BTBD9: variants seen among roughly 807,000 people sequenced by gnomAD.
The protein encoded by BTBD9 is BTB/POZ domain-containing protein 9.
In BTBD9, 49 loss-of-function variants were observed where a neutral mutation model predicts 64.3. The ratio of observed to expected loss-of-function variants is 0.76; its 90% CI spans 0.61 to 0.97. The LOEUF is 0.97. BTBD9 is among the 50% of genes least tolerant of loss of function. The probability of loss-of-function intolerance (pLI) is 0.00; values close to 1 mark genes in which losing one functional copy is unlikely to be tolerated. For missense variants in BTBD9, 598 were observed against 762.1 expected (o/e 0.78, Z 2.53); for synonymous variants, 260 against 274.7 (o/e 0.95, Z 0.53).
At chr6:38,224,168 G>A (rs1763308511) in intron 9 of BTBD9, among the ~76,000 whole-genome samples, 2 of 152,056 alleles carry the variant, frequency 1.3e-5, no homozygotes, top group African/African-American at 4.8e-5. Context: ...AGCTGAGATT[G>A]TGCCGCTGCA....
At position 38,257,063 on chromosome 6, in the gene BTBD9, CTTTTTTTTT is replaced by C. The variant is rs745545678; in HGVS notation, c.1455-556_1455-548del. Among the ~76,000 whole-genome samples, 11 of 111,362 alleles carry C rather than the reference CTTTTTTTTT, an allele frequency of 9.9e-5. No individual in the cohort carries two copies. In the East Asian group the frequency reaches 1.0e-3, roughly 10 times the overall value. 73.1% of individuals were successfully genotyped at this position (111,362 alleles called of 152,430 possible). A position where few individuals can be genotyped will look rare whatever the true frequency, so the allele number is the denominator to read the frequency against. On this transcript the variant is annotated intron_variant, in intron 8 of 10. Coordinates refer to ENST00000481247, the MANE Select transcript of BTBD9 (RefSeq NM_001099272.2). ...TAGCTGGGACTATAGTTGCACACTTCTTTTTTTTTTTTTTTTTTTTGGTAGAGGCACAGT... is the reference window on the plus strand; with the variant it reads ...TAGCTGGGACTATAGTTGCACACTTCTTTTTTTTTTTGGTAGAGGCACAGT...
At chr6:38,546,813 T>G (rs1774571794) in intron 6 of BTBD9, among the ~76,000 whole-genome samples, 1 of 152,098 alleles carries the variant, frequency 6.6e-6, no homozygotes, top group Non-Finnish European at 1.5e-5. Context: ...GGATTACAGG[T>G]GCCCACCACC....
In BTBD9 at chr6:38,557,015, C is replaced by CAAAAAAAAAAAAA. The variant is rs397888418; in HGVS notation, c.1154+20572_1154+20584dup. Among the ~76,000 whole-genome samples, 9 of 15,408 alleles carry CAAAAAAAAAAAAA rather than the reference C, an allele frequency of 5.8e-4. 2 individuals carry two copies. Among genetic ancestry groups the CAAAAAAAAAAAAA allele is most frequent in the African/African-American group, 9.8e-4 (4 of 4,096 alleles). The allele number at this position is 15,408 out of a possible 152,430, so 10.1% of individuals were successfully genotyped here. On this transcript the variant is annotated intron_variant, in intron 6 of 10. Transcript: ENST00000481247. Reference sequence around the variant, plus strand: ...GGAACAGAGCGAGACTCCATCTCACCAAAAAAAAAAAAAAAAAAAAAAAAA... The same window carrying CAAAAAAAAAAAAA: ...GGAACAGAGCGAGACTCCATCTCACCAAAAAAAAAAAAAAAAAAAAAAAAAAAAAAAAAAAAAA...
rs138603752 is a variant in BTBD9 at position 38,574,375 on chromosome 6, G to A, written c.1154+3225C>T. The stretch of plus-strand genomic sequence containing the variant: ...TCCTAGACATATACAAAGATAGGCC[G>A]GTTGTTAAGATAAAACTGTTTAAGG... On this transcript the variant is annotated intron_variant, in intron 6 of 10. Transcript: ENST00000481247. Among the ~76,000 whole-genome samples the A allele has an allele frequency of 9.2e-5, 14 of 152,190 alleles. No homozygotes were observed. In the Middle Eastern group the frequency reaches 0.01, roughly 111 times the overall value.
chr6:38,572,429 T>G (rs535662784), intron 6 of BTBD9, among the ~76,000 whole-genome samples: 2 of 152,218 alleles, frequency 1.3e-5, no homozygotes, highest in South Asian at 4.1e-4. Flanking sequence ...GCCTCTAATG[T>G]GACTACAACA....
intron 4 of BTBD9, among the ~76,000 whole-genome samples, chr6:38,581,924 G>C (rs977157859): frequency 6.6e-6 from 1 of 152,106 alleles, no homozygotes; most frequent in Non-Finnish European, 1.5e-5. Flanking sequence ...AACTATGTAT[G>C]TTTACAGACT....
Position 38,444,178 on chromosome 6 carries a change from T to G in BTBD9, c.1155-99085A>C, listed in dbSNP as rs1769169759. ...TAGAAGAGGTTAAATCCCCTGGCCA[T>G]GTGTCTTCATTGGACGTTTTGTGCT... is the stretch of plus-strand genomic sequence containing the variant. On this transcript the variant is annotated intron_variant, in intron 6 of 10. Coordinates refer to ENST00000481247, the MANE Select transcript of BTBD9 (RefSeq NM_001099272.2). Among the ~76,000 whole-genome samples, 4 of 152,202 alleles carry G rather than the reference T, an allele frequency of 2.6e-5. No homozygotes were observed. In the South Asian group the frequency reaches 8.3e-4, roughly 32 times the overall value.
At chr6:38,548,444 G>A (rs1245257986) in intron 6 of BTBD9, among the ~76,000 whole-genome samples, 2 of 151,882 alleles carry the variant, frequency 1.3e-5, no homozygotes, top group African/African-American at 4.8e-5. Flanking sequence ...TTCTTTTTTT[G>A]TAGAGCTTTC....
intron 10 of BTBD9, among the ~76,000 whole-genome samples, chr6:38,185,492 A>C (rs568031014): frequency 6.6e-6 from 1 of 152,302 alleles, no homozygotes; most frequent in African/African-American, 2.4e-5. Flanking sequence ...CCTCGATGTT[A>C]CAGCCAGACT....
chr6:38,264,025 T>C (rs1029201267), intron 8 of BTBD9, among the ~76,000 whole-genome samples: 5 of 152,208 alleles, frequency 3.3e-5, no homozygotes, highest in African/African-American at 9.7e-5. Context: ...ACCTCCCTTA[T>C]GATGGCAATC....
intron 7 of BTBD9, among the ~76,000 whole-genome samples, chr6:38,312,202 T>A (rs1241817240): frequency 6.6e-6 from 1 of 152,146 alleles, no homozygotes; most frequent in Non-Finnish European, 1.5e-5. Context: ...CATTTCTATG[T>A]CTTCTCTTGA....
intron 6 of BTBD9, among the ~76,000 whole-genome samples, chr6:38,349,898 G>C (rs370823594): frequency 5.9e-5 from 9 of 152,124 alleles, no homozygotes; most frequent in African/African-American, 1.7e-4. Flanking sequence ...GGCACTTCTC[G>C]CTTTAATCCT....
At chr6:38,214,857 T>C (rs773687280) in intron 9 of BTBD9, among the ~76,000 whole-genome samples, 1 of 152,190 alleles carries the variant, frequency 6.6e-6, no homozygotes, top group Non-Finnish European at 1.5e-5. Context: ...TTTCAGACTG[T>C]GTTTCAGTCT....
At chr6:38,377,903 T>G (rs1371982565) in intron 6 of BTBD9, among the ~76,000 whole-genome samples, 1 of 152,206 alleles carries the variant, frequency 6.6e-6, no homozygotes, top group African/African-American at 2.4e-5. Flanking sequence ...AAAAGAAATC[T>G]TTAGATTCCT....
chr6:38,478,243 A>G (rs1230219940), intron 6 of BTBD9, among the ~76,000 whole-genome samples: 1 of 152,192 alleles, frequency 6.6e-6, no homozygotes, highest in African/African-American at 2.4e-5. Flanking sequence ...AAGGAAGGTT[A>G]TATATTTCTG....
Position 38,328,966 on chromosome 6 carries a change from ATATGTG to A in BTBD9, c.1264+16012_1264+16017del, listed in dbSNP as rs1426377533. 2.9e-4 allele frequency among the ~76,000 whole-genome samples: 27 copies of A among 93,156 alleles called. 1 individual carries two copies. The highest frequency in any genetic ancestry group is 1.1e-3 in the Admixed American group (9 of 8,412). The allele number at this position is 93,156 out of a possible 152,430, so 61.1% of individuals were successfully genotyped here. ...CGTCTCAAAAAAAAAAAGAAAGAAA[ATATGTG>A]TGTGTGTGTGTGTGTGTGTGTGTGT... On this transcript the variant is annotated intron_variant, in intron 7 of 10. Coordinates refer to ENST00000481247, the MANE Select transcript of BTBD9 (RefSeq NM_001099272.2).
intron 7 of BTBD9, among the ~76,000 whole-genome samples, chr6:38,307,723 T>TA (rs1291695602): frequency 1.3e-5 from 2 of 152,136 alleles, no homozygotes; most frequent in African/African-American, 4.8e-5. Context: ...AATCACATCT[T>TA]ATCTTAAGAT....
At chr6:38,454,797 T>C (rs1465093999) in intron 6 of BTBD9, among the ~76,000 whole-genome samples, 1 of 147,536 alleles carries the variant, frequency 6.8e-6, no homozygotes, top group Non-Finnish European at 1.5e-5. Context: ...CAAGACTCTG[T>C]CTCTTAAAAA....
intron 8 of BTBD9, among the ~76,000 whole-genome samples, chr6:38,265,172 T>C (rs554109251): frequency 6.6e-6 from 1 of 151,952 alleles, no homozygotes; most frequent in African/African-American, 2.4e-5. Flanking sequence ...GCATATGTAG[T>C]TTCTGTGTTT....
Sources: allele counts gnomAD v4.1 joint callset (sites outside exome capture counted in the v4.1 genomes callset), GRCh38; gene constraint gnomAD v4.1.1; transcripts MANE v1.5; gene names NCBI Gene and HGNC (gene_info 2026-07-23, HGNC 2026-07-21).